CBFA2T3: variants seen among roughly 807,000 people sequenced by gnomAD.
The protein encoded by CBFA2T3 is CBFA2/RUNX1 partner transcriptional co-repressor 3.
In CBFA2T3, 31 loss-of-function variants were observed where a neutral mutation model predicts 58.6. The observed-to-expected ratio is 0.53, with a 90% CI of 0.40 to 0.71. CBFA2T3 has a LOEUF of 0.71. Ranked by LOEUF, CBFA2T3 falls within the 30% of genes least tolerant of loss-of-function variation. The probability of loss-of-function intolerance (pLI) is 0.00; values close to 1 mark genes in which losing one functional copy is unlikely to be tolerated. For missense variants in CBFA2T3, 1,076 were observed against 963.1 expected (o/e 1.12, Z -1.55); for synonymous variants, 531 against 421.9 (o/e 1.26, Z -3.17).
In CBFA2T3 at chr16:88,965,088, T is replaced by TATCCATCCATCC. The variant is rs1192246574; in HGVS notation, c.151+11557_151+11568dup. 3.0e-3 allele frequency among the ~76,000 whole-genome samples: 398 copies of TATCCATCCATCC among 133,056 alleles called. 2 individuals are homozygous for TATCCATCCATCC. The highest frequency in any genetic ancestry group is 8.1e-3 in the South Asian group (32 of 3,960). 87.3% of individuals were successfully genotyped at this position (133,056 alleles called of 152,430 possible). ...CCATCCATCTATCCACCCACCCATCTATCCATCCATCCATCCATCCATCCA... is the reference window on the plus strand; with the variant it reads ...CCATCCATCTATCCACCCACCCATCTATCCATCCATCCATCCATCCATCCATCCATCCATCCA... On this transcript the variant is annotated intron_variant, in intron 1 of 11. Transcript: ENST00000268679.
chr16:88,893,086 G>C (rs139307176), intron 3 of CBFA2T3, among the ~76,000 whole-genome samples: 1 of 152,068 alleles, frequency 6.6e-6, no homozygotes, highest in Non-Finnish European at 1.5e-5. Context: ...ATGAGAAGTC[G>C]CTCATCCCCC....
At chr16:88,893,485 A>G (rs1969735454) in intron 3 of CBFA2T3, among the ~76,000 whole-genome samples, 1 of 152,192 alleles carries the variant, frequency 6.6e-6, no homozygotes, top group Admixed American at 6.5e-5. Flanking sequence ...TCATTTGCAC[A>G]CAGCCCCAAC....
rs551107636 is a variant in CBFA2T3 at position 88,896,843 on chromosome 16, G to A, written c.379+1235C>T. ...GGTGCGCTTACCAGCCTTGCCCCGG[G>A]TGCCTGGTCCTTCCGGCGGCCTGCT... On this transcript the variant is annotated intron_variant, in intron 3 of 11. Transcript: ENST00000268679. Among the ~76,000 whole-genome samples the A allele has an allele frequency of 4.6e-5, 7 of 152,298 alleles. No homozygotes were observed. The South Asian group carries it at 1.5e-3, about 32-fold the overall frequency.
chr16:88,969,217 C>G (rs1972587813), intron 1 of CBFA2T3, among the ~76,000 whole-genome samples: 1 of 152,194 alleles, frequency 6.6e-6, no homozygotes, highest in African/African-American at 2.4e-5. Flanking sequence ...GCAAGGTCCC[C>G]TCCCCCACTC....
rs556020545 is a variant in CBFA2T3 at position 88,875,390 on chromosome 16, G to A, written c.*1586C>T. On this transcript the variant is annotated 3_prime_UTR_variant, in exon 12 of 12. Coordinates refer to ENST00000268679, the MANE Select transcript of CBFA2T3 (RefSeq NM_005187.6). ...AGCACGTCTGATAGAAAACGTCACC[G>A]AGACACACCCCAGGGCCAGAGGCGA... is the stretch of plus-strand genomic sequence containing the variant. 7 of 233,728 alleles carry A rather than the reference G, an allele frequency of 3.0e-5. No individual in the cohort carries two copies. In the East Asian group the frequency reaches 3.0e-4, roughly 10 times the overall value. 14.5% of individuals were successfully genotyped at this position (233,728 alleles called of 1,614,324 possible).
At chr16:88,941,066 C>A in intron 1 of CBFA2T3, 3 of 985,644 alleles carry the variant, frequency 3.0e-6, no homozygotes, top group South Asian at 9.2e-5. Flanking sequence ...GGCGCACACT[C>A]GCGACTCGGT....
At chr16:88,956,237 G>A (rs1362289831) in intron 1 of CBFA2T3, among the ~76,000 whole-genome samples, 1 of 152,290 alleles carries the variant, frequency 6.6e-6, no homozygotes, top group African/African-American at 2.4e-5. Context: ...CTGAGTCAGA[G>A]CCTGTTTATC....
rs1460339306 is a variant in CBFA2T3 at position 88,958,771 on chromosome 16, C to T, written c.151+17886G>A. ...TGGGGCCTCAGGGCCTCAGCGTAGC[C>T]CAGGTCTGCGCTGGCTCTGGGCTCT... On this transcript the variant is annotated intron_variant, in intron 1 of 11. Coordinates refer to ENST00000268679, the MANE Select transcript of CBFA2T3 (RefSeq NM_005187.6). This position sits in a 1 kb window ranked among gnomAD's most constrained non-coding sequence, Gnocchi z 4.0. 2.0e-5 allele frequency among the ~76,000 whole-genome samples: 3 copies of T among 152,104 alleles called. No individual in the cohort carries two copies. Among genetic ancestry groups the T allele is most frequent in the Non-Finnish European group, 2.9e-5 (2 of 67,956 alleles).
intron 5 of CBFA2T3, among the ~76,000 whole-genome samples, chr16:88,891,046 C>T (rs11076735): frequency 0.21 from 31,764 of 152,008 alleles, 3,501 homozygotes; most frequent in East Asian, 0.45. Flanking sequence ...ACAAGCCCCG[C>T]GTGCTGCCAC....
At chr16:88,884,463 C>T (rs540446595) in intron 7 of CBFA2T3, among the ~76,000 whole-genome samples, 7 of 152,318 alleles carry the variant, frequency 4.6e-5, no homozygotes, top group Admixed American at 6.5e-5. Context: ...TCTCAGGCCT[C>T]AGTCTCCTCA....
In CBFA2T3 at chr16:88,885,693, C is replaced by T; in HGVS notation, c.893+268G>A. Reference sequence around the variant, plus strand: ...CCGGACGCTCGGAGTCCATGCCCGGCACACAGGGGAGAGCCGTCCTCCCAC... The same window carrying T: ...CCGGACGCTCGGAGTCCATGCCCGGTACACAGGGGAGAGCCGTCCTCCCAC... On this transcript the variant is annotated intron_variant, in intron 6 of 11. Coordinates refer to ENST00000268679, the MANE Select transcript of CBFA2T3 (RefSeq NM_005187.6). This position sits in a 1 kb window ranked among gnomAD's most constrained non-coding sequence, Gnocchi z 5.3. The T allele has an allele frequency of 2.0e-6, 1 of 503,104 alleles. No individual in the cohort carries two copies. The highest frequency in any genetic ancestry group is 3.6e-5 in the East Asian group (1 of 27,938). The allele number at this position is 503,104 out of a possible 1,614,324, so 31.2% of individuals were successfully genotyped here. A position where few individuals can be genotyped will look rare whatever the true frequency, so the allele number is the denominator to read the frequency against.
intron 1 of CBFA2T3, chr16:88,951,433 C>G: frequency 2.4e-6 from 1 of 418,676 alleles, no homozygotes; most frequent in East Asian, 7.2e-5. Flanking sequence ...TTATTTTCAC[C>G]TTCTTTTCTG....
At chr16:88,906,451 C>T (rs1015856016) in intron 1 of CBFA2T3, among the ~76,000 whole-genome samples, 5 of 152,196 alleles carry the variant, frequency 3.3e-5, no homozygotes, top group Non-Finnish European at 5.9e-5. Context: ...AGCCGCAAGA[C>T]GGCCCCGTCC....
chr16:88,909,785 C>G (rs1036192522), intron 1 of CBFA2T3, among the ~76,000 whole-genome samples: 3 of 152,198 alleles, frequency 2.0e-5, no homozygotes, highest in Non-Finnish European at 4.4e-5. Flanking sequence ...GTGAGGTCAT[C>G]TGAGGTCACT....
intron 1 of CBFA2T3, among the ~76,000 whole-genome samples, chr16:88,941,564 G>A (rs1971732991): frequency 6.7e-6 from 1 of 148,298 alleles, no homozygotes; most frequent in Non-Finnish European, 1.5e-5. Context: ...CCGGGGCTGT[G>A]CGGAGCGCCG....
intron 3 of CBFA2T3, among the ~76,000 whole-genome samples, chr16:88,894,924 A>T (rs1969826994): frequency 1.3e-5 from 2 of 152,006 alleles, no homozygotes; most frequent in African/African-American, 4.8e-5. Context: ...GCCGGCAGGC[A>T]CCAGCTGTTT....
At chr16:88,900,788 AG>A in intron 2 of CBFA2T3, among the ~76,000 whole-genome samples, 1 of 152,344 alleles carries the variant, frequency 6.6e-6, no homozygotes, top group Middle Eastern at 3.4e-3. Context: ...CTCAAAGCCA[AG>A]GCTCTGCGGG....
chr16:88,928,248 C>T (rs3809591), intron 1 of CBFA2T3, among the ~76,000 whole-genome samples: 42,464 of 152,202 alleles, frequency 0.28, 6,864 homozygotes, highest in Middle Eastern at 0.48. Context: ...TCTTGCCCGG[C>T]GTGTGGCACA....
At position 88,900,134 on chromosome 16, in the gene CBFA2T3, C is replaced by T. The variant is rs571163780; in HGVS notation, c.304+1370G>A. ...AGGACCTGCAAAATCGTGAGTGCGG[C>T]GTCCCGACTCTCTGAGGCAGGGCCG... On this transcript the variant is annotated intron_variant, in intron 2 of 11. Coordinates refer to ENST00000268679, the MANE Select transcript of CBFA2T3 (RefSeq NM_005187.6). Among the ~76,000 whole-genome samples, 204 of 152,344 alleles carry T rather than the reference C, an allele frequency of 1.3e-3. 2 individuals are homozygous for T. The highest frequency in any genetic ancestry group is 4.5e-3 in the African/African-American group (187 of 41,586).
Sources: gnomAD v4.1 joint callset for allele counts (sites outside exome capture counted in the v4.1 genomes callset) on GRCh38, gnomAD v4.1.1 for gene constraint, Gnocchi (gnomAD v3.1) non-coding constraint, MANE v1.5 for transcripts, NCBI Gene and HGNC (gene_info 2026-07-23, HGNC 2026-07-21) for gene names.